SYMPK: variants seen among roughly 807,000 people sequenced by gnomAD.
SYMPK encodes the protein symplekin.
Under a neutral mutation model 136.4 loss-of-function variants are expected in SYMPK, and 49 were observed. The ratio of observed to expected loss-of-function variants is 0.36; its 90% CI spans 0.29 to 0.46. SYMPK has a LOEUF of 0.46. Ranked by LOEUF, SYMPK falls within the 20% of genes least tolerant of loss-of-function variation. The pLI is 1.00. For synonymous variants in SYMPK, 766 were observed against 713.0 expected, an observed-to-expected ratio of 1.07 and a Z score of -1.19; for missense variants, 1,365 against 1,690.0, an observed-to-expected ratio of 0.81 and a Z score of 3.37.
At chr19:45,831,295 G>GCACACGCACACACACACA (rs1971167359) in intron 12 of SYMPK, 89 bp downstream of exon 12, 12 of 680,964 alleles carry the variant, frequency 1.8e-5, no homozygotes, top group Admixed American at 7.1e-5. Flanking sequence ...ACACACACAC[G>GCACACGCACACACACACA]CACACGCACA....
intron 23 of SYMPK, 154 bp from the exon 24 acceptor site, chr19:45,817,128 G>A: frequency 1.4e-6 from 1 of 728,536 alleles, no homozygotes; most frequent in Non-Finnish European, 2.1e-6. Flanking sequence ...TCCCTCCAGA[G>A]GCCTTTGTCT....
At chr19:45,822,618 T>G in intron 21 of SYMPK, 138 bp downstream of exon 21, 38 of 666,366 alleles carry the variant, frequency 5.7e-5, no homozygotes, top group East Asian at 8.2e-5. Flanking sequence ...CCGGGACACA[T>G]GGAGATGTCC....
intron 17 of SYMPK, 46 bp from the exon 18 acceptor site, chr19:45,825,377 A>C (rs769494759): frequency 1.9e-6 from 3 of 1,592,126 alleles, no homozygotes; most frequent in Non-Finnish European, 2.6e-6. Flanking sequence ...ACTCTTCTCC[A>C]ACCCCCTCGG....
chr19:45,819,848 A>C (rs1318498141), intron 22 of SYMPK: 1 of 152,376 alleles, frequency 6.6e-6, no homozygotes, highest in East Asian at 1.9e-4. Flanking sequence ...TGTGATCTGG[A>C]GCTTAGAGTG....
In SYMPK at chr19:45,835,162, C is replaced by T; in HGVS notation, c.1309G>A (p.Val437Met). ...PASFQAIYTP[V>M]ESAGTEAQIK... ...TGGGCTTCCGTGCCTGCTGACTCCA[C>T]GGGGGTGTAGATGGCCTGGAAGGAG... Residue 437 changes from valine (V) to methionine (M), a missense_variant, in exon 11 of 27, where the codon GTG (valine) becomes ATG (methionine). Coordinates refer to ENST00000245934, the MANE Select transcript of SYMPK (RefSeq NM_004819.3). The T allele has an allele frequency of 6.2e-7, 1 of 1,613,236 alleles. No homozygotes were observed.
intron 11 of SYMPK, 151 bp downstream of exon 11, chr19:45,834,927 T>G (rs1434268480): frequency 7.6e-6 from 5 of 656,650 alleles, no homozygotes; most frequent in Non-Finnish European, 1.2e-5. Context: ...TTAAAAACAC[T>G]GAGCCATCTA....
At chr19:45,832,316 G>A (rs1456506692) in intron 11 of SYMPK, among the ~76,000 whole-genome samples, 2 of 151,528 alleles carry the variant, frequency 1.3e-5, no homozygotes, top group Non-Finnish European at 2.9e-5. Flanking sequence ...TAATTTTTTT[G>A]TTTTCAGTAG....
At position 45,844,063 on chromosome 19, in the gene SYMPK, A is replaced by T; in HGVS notation, c.814T>A (p.Ser272Thr). ...NIARQRPMFM[S>T]EVIQAYETLH... ...GTTTCATAGGCCTGGATCACCTCAGACATGAACATGGGTCTCTGGCGGGCG... is the reference window on the plus strand; with the variant it reads ...GTTTCATAGGCCTGGATCACCTCAGTCATGAACATGGGTCTCTGGCGGGCG... Residue 272 changes from serine (S) to threonine (T), a missense_variant, in exon 8 of 27, where the codon TCT becomes ACT. Ser to Thr is a moderately conservative substitution (Grantham distance 58). Coordinates refer to ENST00000245934, the MANE Select transcript of SYMPK (RefSeq NM_004819.3). 6.2e-7 allele frequency: 1 copy of T among 1,608,188 alleles called. No homozygotes were observed. The highest frequency in any genetic ancestry group is 8.5e-7 in the Non-Finnish European group (1 of 1,177,218).
At chr19:45,825,123 C>T (rs149512253) in intron 18 of SYMPK, 48 bp downstream of exon 18, 79 of 1,585,240 alleles carry the variant, frequency 5.0e-5, no homozygotes, top group Non-Finnish European at 6.3e-5. Context: ...GCTGGGGACA[C>T]AGCCTTGCCC....
In SYMPK at chr19:45,831,026, C is replaced by T. The variant is rs150842264; in HGVS notation, c.1598+358G>A. The T allele has an allele frequency of 2.8e-3, 491 of 174,988 alleles. 3 individuals are homozygous for T. Among genetic ancestry groups the T allele is most frequent in the African/African-American group, 0.011 (472 of 42,488 alleles). 10.8% of individuals were successfully genotyped at this position (174,988 alleles called of 1,614,324 possible). A position where few individuals can be genotyped will look rare whatever the true frequency, so the allele number is the denominator to read the frequency against. ...AGCATTTACTACACAACAGGAACCA[C>T]GCGAAATGCTTGACAATCACAATCA... On this transcript the variant is annotated intron_variant, in intron 12 of 26. Transcript: ENST00000245934.
chr19:45,844,967 A>G (rs1971526416), intron 7 of SYMPK, among the ~76,000 whole-genome samples: 2 of 152,246 alleles, frequency 1.3e-5, no homozygotes, highest in Non-Finnish European at 2.9e-5. Context: ...CATGCAATGC[A>G]TAATTATCAC....
chr19:45,829,133 T>A lies in SYMPK; in HGVS notation c.1822A>T (p.Ile608Phe). The change falls in exon 14 of 27, where the codon ATC (isoleucine) becomes TTC (phenylalanine). Residue 608 changes from isoleucine (I) to phenylalanine (F), a missense_variant. This residue lies in a region of SYMPK where 303 missense variants were observed against 326.6 expected (regional missense o/e 0.93). Coordinates refer to ENST00000245934, the MANE Select transcript of SYMPK (RefSeq NM_004819.3). ...SGLKAEVLSF[I>F]LEDVRARLDL... ...AGGCGGGCCCGCACATCCTCCAGGA[T>A]GAAGGACAGGACCTCCGCCTTCAGG... 1.2e-6 allele frequency: 2 copies of A among 1,614,090 alleles called. No homozygotes were observed. Among genetic ancestry groups the A allele is most frequent in the Non-Finnish European group, 1.7e-6 (2 of 1,180,000 alleles).
chr19:45,831,451 G>A lies in SYMPK; in HGVS notation c.1531C>T (p.Pro511Ser), dbSNP rs1021388489. The change falls in exon 12 of 27, where the codon CCC becomes TCC. Residue 511 changes from proline to serine, a missense_variant. Around this residue, in one of 11 missense-constraint regions of SYMPK, gnomAD observed 303 missense variants for 326.6 expected, o/e 0.93. Coordinates refer to ENST00000245934, the MANE Select transcript of SYMPK (RefSeq NM_004819.3). ...SVVGSLSSMS[P>S]LEEEAPQAKR... The stretch of plus-strand genomic sequence containing the variant: ...GCCTGCGGTGCCTCTTCCTCCAGGG[G>A]GGACATGGAGCTCAGGGAACCCACC... The A allele has an allele frequency of 6.2e-7, 1 of 1,608,548 alleles. No individual in the cohort carries two copies. Among genetic ancestry groups the A allele is most frequent in the Admixed American group, 1.7e-5 (1 of 59,340 alleles).
intron 10 of SYMPK, 118 bp downstream of exon 10, chr19:45,838,343 C>G: frequency 1.6e-6 from 2 of 1,268,642 alleles, no homozygotes; most frequent in Non-Finnish European, 2.1e-6. Context: ...AACCCCTTTT[C>G]TTTATTAATT....
chr19:45,815,511 T>TGCC lies in SYMPK; in HGVS notation c.*48_*49insGGC. The TGCC allele has an allele frequency of 1.3e-5, 13 of 1,012,770 alleles. No homozygotes were observed. Among genetic ancestry groups the TGCC allele is most frequent in the Non-Finnish European group, 1.2e-5 (9 of 736,534 alleles). 62.7% of individuals were successfully genotyped at this position (1,012,770 alleles called of 1,614,324 possible). A position where few individuals can be genotyped will look rare whatever the true frequency, so the allele number is the denominator to read the frequency against. ...CACCCGCAGGTCAAGCCCCGCCCCG[T>TGCC]CCCCCAGCCCCGAGTCCCTGTCCCA... On this transcript the variant is annotated 3_prime_UTR_variant, in exon 27 of 27. Coordinates refer to ENST00000245934, the MANE Select transcript of SYMPK (RefSeq NM_004819.3).
intron 8 of SYMPK, 178 bp from the exon 9 acceptor site, chr19:45,842,667 G>A (rs1191271906): frequency 4.0e-6 from 3 of 753,326 alleles, no homozygotes; most frequent in South Asian, 3.9e-5. Flanking sequence ...AAACCCTGGG[G>A]GTCTCCATCA....
chr19:45,815,889 C>A lies in SYMPK; in HGVS notation c.3649G>T (p.Ala1217Ser). The change falls in exon 26 of 27, where the codon GCG becomes TCG. Residue 1217 changes from alanine to serine, a missense_variant. Coordinates refer to ENST00000245934, the MANE Select transcript of SYMPK (RefSeq NM_004819.3). ...MDDDSGLTEA[A>S]LLDSSLEGPL... The stretch of plus-strand genomic sequence containing the variant: ...CCCTCGAGACTAGAGTCCAACAGCG[C>A]GGCCTCGGTCAGCCCCGAGTCGTCA... The A allele has an allele frequency of 6.2e-7, 1 of 1,612,334 alleles. No homozygotes were observed. The highest frequency in any genetic ancestry group is 8.5e-7 in the Non-Finnish European group (1 of 1,179,888).
At chr19:45,858,303 A>C (rs1184708635) in intron 1 of SYMPK, among the ~76,000 whole-genome samples, 1 of 151,964 alleles carries the variant, frequency 6.6e-6, no homozygotes, top group Admixed American at 6.6e-5. Flanking sequence ...TCTTCCTCTG[A>C]CTGCCTCTCC....
In SYMPK at chr19:45,821,442, G is replaced by A. The variant is rs762255884; in HGVS notation, c.2835C>T (p.Leu945=). ...SALSPLNPGE[L]LIALHNIDSV... is the part of the protein sequence containing the mutation. ...AGTCAATGTTGTGTAATGCGATCAG[G>A]AGCTCTCCAGGGTTCAGCGGGGACA... The change falls in exon 22 of 27, where the codon CTC becomes CTT. Residue 945 remains leucine (L), a synonymous_variant. Coordinates refer to ENST00000245934, the MANE Select transcript of SYMPK (RefSeq NM_004819.3). The surrounding 1 kb of genome is among the most constrained non-coding windows in gnomAD (Gnocchi z 4.4). The A allele has an allele frequency of 6.2e-7, 1 of 1,614,098 alleles. No individual in the cohort carries two copies. The highest frequency in any genetic ancestry group is 1.1e-5 in the South Asian group (1 of 91,074).
Sources: allele counts gnomAD v4.1 joint callset (sites outside exome capture counted in the v4.1 genomes callset), GRCh38; gene constraint gnomAD v4.1.1; regional missense constraint gnomAD v4.1.1; non-coding constraint Gnocchi (gnomAD v3.1); transcripts MANE v1.5; gene names NCBI Gene and HGNC (gene_info 2026-07-23, HGNC 2026-07-21).